Variants in ARHGAP15 observed in about 807,000 individuals in gnomAD.
The protein encoded by ARHGAP15 is Rho GTPase activating protein 15.
A neutral mutation model predicts 63.7 loss-of-function variants in ARHGAP15; 51 were observed. The ratio of observed to expected loss-of-function variants is 0.80; its 90% CI spans 0.64 to 1.01. ARHGAP15 has a LOEUF of 1.01. Among genes scored for constraint, ARHGAP15 ranks in the 50% least tolerant of loss-of-function variants. The pLI, the probability that ARHGAP15 is intolerant of heterozygous loss-of-function variation, is 0.00. For synonymous variants in ARHGAP15, 191 were observed against 193.8 expected (o/e 0.99, Z 0.12); for missense variants, 560 against 564.6 (o/e 0.99, Z 0.08).
chr2:143,321,389 T>G (rs1361350090), intron 6 of ARHGAP15, among the ~76,000 whole-genome samples: 5 of 152,214 alleles, frequency 3.3e-5, no homozygotes, highest in African/African-American at 1.2e-4. Context: ...CTGGTTTTAT[T>G]TATAAACAGT....
chr2:143,665,031 A>C (rs1176013401), intron 12 of ARHGAP15, among the ~76,000 whole-genome samples: 1 of 152,070 alleles, frequency 6.6e-6, no homozygotes, highest in African/African-American at 2.4e-5. Context: ...TATTCCAATC[A>C]ATAGAAAAAG....
At chr2:143,578,825 A>T (rs930631225) in intron 11 of ARHGAP15, among the ~76,000 whole-genome samples, 10 of 152,182 alleles carry the variant, frequency 6.6e-5, no homozygotes, top group Admixed American at 3.3e-4. Flanking sequence ...TTCTGTTTGA[A>T]TCTATTTTAT....
intron 11 of ARHGAP15, among the ~76,000 whole-genome samples, chr2:143,623,027 G>A (rs961542974): frequency 1.3e-5 from 2 of 152,132 alleles, no homozygotes; most frequent in Admixed American, 6.5e-5. Context: ...ATACCTCGGC[G>A]CTTGCCAGTA....
chr2:143,269,835 T>C (rs892634259), intron 6 of ARHGAP15, among the ~76,000 whole-genome samples: 1 of 152,204 alleles, frequency 6.6e-6, no homozygotes, highest in Admixed American at 6.5e-5. Flanking sequence ...ATCATGCCTA[T>C]TAATTGATAA....
intron 9 of ARHGAP15, among the ~76,000 whole-genome samples, chr2:143,509,731 T>G (rs563024529): frequency 6.6e-6 from 1 of 152,048 alleles, no homozygotes; most frequent in South Asian, 2.1e-4. Flanking sequence ...ATATAAAAGA[T>G]GAGAGTAGAG....
intron 8 of ARHGAP15, among the ~76,000 whole-genome samples, chr2:143,481,103 T>C (rs1692057920): frequency 6.6e-6 from 1 of 152,036 alleles, no homozygotes; most frequent in African/African-American, 2.4e-5. Flanking sequence ...CCTTATTTTG[T>C]CTTTTTTTTT....
At chr2:143,342,635 C>T (rs1186332659) in intron 6 of ARHGAP15, among the ~76,000 whole-genome samples, 2 of 152,062 alleles carry the variant, frequency 1.3e-5, no homozygotes, top group Non-Finnish European at 2.9e-5. Context: ...TAACATCCCA[C>T]CTGTTGCTCT....
intron 10 of ARHGAP15, among the ~76,000 whole-genome samples, chr2:143,543,334 G>C (rs745740352): frequency 6.6e-6 from 1 of 151,992 alleles, no homozygotes; most frequent in Non-Finnish European, 1.5e-5. Context: ...TTGGCCATTT[G>C]TATGTCTTTT....
intron 13 of ARHGAP15, among the ~76,000 whole-genome samples, chr2:143,736,282 G>C (rs1559152781): frequency 1.3e-5 from 2 of 152,130 alleles, no homozygotes; most frequent in Non-Finnish European, 2.9e-5. Flanking sequence ...TATAACCTCA[G>C]CTACTCAGGA....
intron 8 of ARHGAP15, among the ~76,000 whole-genome samples, chr2:143,462,758 TA>T (rs1179207289): frequency 3.9e-5 from 6 of 152,198 alleles, no homozygotes; most frequent in Admixed American, 6.5e-5. Context: ...GTACTACTAC[TA>T]GTAAGATGTA....
chr2:143,673,055 C>A (rs191781206), intron 12 of ARHGAP15, among the ~76,000 whole-genome samples: 1 of 152,040 alleles, frequency 6.6e-6, no homozygotes, highest in African/African-American at 2.4e-5. Context: ...CCACACAATA[C>A]GAGCCCCATG....
chr2:143,403,787 A>G (rs989569136), intron 6 of ARHGAP15, among the ~76,000 whole-genome samples: 4 of 151,868 alleles, frequency 2.6e-5, no homozygotes, highest in African/African-American at 9.7e-5. Context: ...TAATCGTTCT[A>G]TAAAATCACT....
At chr2:143,353,546 C>T (rs1417725417) in intron 6 of ARHGAP15, among the ~76,000 whole-genome samples, 1 of 151,948 alleles carries the variant, frequency 6.6e-6, no homozygotes, top group Non-Finnish European at 1.5e-5. Flanking sequence ...TTTAGAATCT[C>T]AAAATTTTTA....
intron 6 of ARHGAP15, among the ~76,000 whole-genome samples, chr2:143,350,487 T>C (rs1427820103): frequency 6.6e-6 from 1 of 152,046 alleles, no homozygotes; most frequent in African/African-American, 2.4e-5. Context: ...ATCCATTAGT[T>C]ATTTTATTTT....
chr2:143,486,506 G>T (rs1265636762), intron 8 of ARHGAP15, among the ~76,000 whole-genome samples: 1 of 151,918 alleles, frequency 6.6e-6, no homozygotes. Context: ...GGTTGAGGCT[G>T]CAGTGAGCTA....
At position 143,360,827 on chromosome 2, in the gene ARHGAP15, C is replaced by T. The variant is rs188729477; in HGVS notation, c.475-74774C>T. Among the ~76,000 whole-genome samples, 106 of 152,278 alleles carry T rather than the reference C, an allele frequency of 7.0e-4. 1 individual carries two copies. The highest frequency in any genetic ancestry group is 2.5e-3 in the African/African-American group (105 of 41,568). On this transcript the variant is annotated intron_variant, in intron 6 of 13. Coordinates refer to ENST00000295095, the MANE Select transcript of ARHGAP15 (RefSeq NM_018460.4). ...ATGCTTAATTATCAAATAAGAGATT[C>T]AGGCAATTCTTGAAACTAGTTAACA... is the stretch of plus-strand genomic sequence containing the variant.
At chr2:143,394,588 G>GC in intron 6 of ARHGAP15, among the ~76,000 whole-genome samples, 4 of 152,262 alleles carry the variant, frequency 2.6e-5, no homozygotes, top group African/African-American at 9.6e-5. Flanking sequence ...TTAATGACTA[G>GC]TACTGTCTTC....
chr2:143,741,603 C>A (rs2105508159), intron 13 of ARHGAP15, among the ~76,000 whole-genome samples: 1 of 152,266 alleles, frequency 6.6e-6, no homozygotes, highest in South Asian at 2.1e-4. Flanking sequence ...AGACATTTTT[C>A]AGAAATTGAA....
intron 6 of ARHGAP15, among the ~76,000 whole-genome samples, chr2:143,406,738 A>AT (rs1214491720): frequency 6.6e-6 from 1 of 151,964 alleles, no homozygotes; most frequent in Non-Finnish European, 1.5e-5. Flanking sequence ...TGAATTTCAT[A>AT]TTCTCAGTGT....
Sources: gnomAD v4.1 joint callset for allele counts (sites outside exome capture counted in the v4.1 genomes callset) on GRCh38, gnomAD v4.1.1 for gene constraint, MANE v1.5 for transcripts, NCBI Gene and HGNC (gene_info 2026-07-23, HGNC 2026-07-21) for gene names.